The following CDKAL1 variants were observed in gnomAD, a reference collection of about 807,000 sequenced individuals.
CDKAL1 encodes the protein CDKAL1 threonylcarbamoyladenosine tRNA methylthiotransferase.
CDKAL1 carries 32 observed loss-of-function variants against 68.2 expected under a neutral mutation model. That is an observed-to-expected ratio of 0.47 (90% CI 0.35 to 0.63). The LOEUF (loss-of-function observed/expected upper bound fraction) is 0.63, where lower values mean the gene tolerates loss of function less well. CDKAL1 is among the 30% of genes least tolerant of loss of function. The pLI is 0.00. For synonymous variants in CDKAL1, 234 were observed against 244.3 expected (o/e 0.96, Z 0.39); for missense variants, 606 against 696.7 (o/e 0.87, Z 1.47).
intron 12 of CDKAL1, among the ~76,000 whole-genome samples, chr6:21,067,748 A>T (rs1307386705): frequency 6.6e-6 from 1 of 151,996 alleles, no homozygotes; most frequent in Non-Finnish European, 1.5e-5. Flanking sequence ...GAGTCATAGG[A>T]AATGAAATTG....
At chr6:20,704,829 G>A (rs558251013) in intron 5 of CDKAL1, among the ~76,000 whole-genome samples, 45 of 152,266 alleles carry the variant, frequency 3.0e-4, no homozygotes, top group Admixed American at 1.2e-3. Flanking sequence ...CCAGTGCCCC[G>A]AGGCCTGTGT....
At chr6:20,536,220 C>T (rs548701733) in intron 2 of CDKAL1, among the ~76,000 whole-genome samples, 1 of 152,108 alleles carries the variant, frequency 6.6e-6, no homozygotes, top group East Asian at 1.9e-4. Flanking sequence ...AGGCATGAGC[C>T]TCTGCACCTG....
chr6:20,802,546 A>G (rs1776412270), intron 8 of CDKAL1, among the ~76,000 whole-genome samples: 1 of 152,132 alleles, frequency 6.6e-6, no homozygotes, highest in Non-Finnish European at 1.5e-5. Flanking sequence ...ATATATACAT[A>G]CACATATACA....
At chr6:21,093,004 A>C (rs370784377) in intron 12 of CDKAL1, among the ~76,000 whole-genome samples, 71 of 152,306 alleles carry the variant, frequency 4.7e-4, no homozygotes, top group African/African-American at 1.7e-3. Context: ...GAAGGGTCCA[A>C]CATTCAAATA....
chr6:21,217,276 T>C (rs951839657), intron 15 of CDKAL1, among the ~76,000 whole-genome samples: 114 of 137,972 alleles, frequency 8.3e-4, no homozygotes, highest in African/African-American at 3.0e-3. Flanking sequence ...TTTTCATTGA[T>C]GTTTAGGATT....
intron 4 of CDKAL1, among the ~76,000 whole-genome samples, chr6:20,590,344 TG>T (rs1765540449): frequency 7.2e-5 from 11 of 152,198 alleles, no homozygotes. Context: ...TTTATTTTTT[TG>T]TTTTTATTTT....
chr6:20,825,249 C>G (rs114681390), intron 8 of CDKAL1, among the ~76,000 whole-genome samples: 1,702 of 152,078 alleles, frequency 0.011, 26 homozygotes, highest in African/African-American at 0.039. Context: ...CTTTTATATT[C>G]CCCATATATA....
chr6:20,903,188 C>G (rs557692605), intron 9 of CDKAL1, among the ~76,000 whole-genome samples: 5 of 152,292 alleles, frequency 3.3e-5, no homozygotes, highest in African/African-American at 9.6e-5. Flanking sequence ...CACTCCTGCT[C>G]TCTCTAACAC....
chr6:20,911,828 C>T (rs1762481917), intron 9 of CDKAL1, among the ~76,000 whole-genome samples: 1 of 152,208 alleles, frequency 6.6e-6, no homozygotes, highest in Admixed American at 6.5e-5. Flanking sequence ...ATTTCTATTC[C>T]AGCATTTTAA....
At chr6:20,858,487 C>T (rs1033951251) in intron 9 of CDKAL1, among the ~76,000 whole-genome samples, 1 of 152,056 alleles carries the variant, frequency 6.6e-6, no homozygotes, top group African/African-American at 2.4e-5. Context: ...AATAATTCTT[C>T]ATTTTTTATC....
chr6:20,857,667 A>C, intron 9 of CDKAL1, among the ~76,000 whole-genome samples: 1 of 152,234 alleles, frequency 6.6e-6, no homozygotes, highest in Non-Finnish European at 1.5e-5. Context: ...TACAAAGATC[A>C]CTTCTAGAAA....
chr6:20,827,352 G>A (rs1269253829), intron 8 of CDKAL1, among the ~76,000 whole-genome samples: 1 of 152,078 alleles, frequency 6.6e-6, no homozygotes, highest in Non-Finnish European at 1.5e-5. Flanking sequence ...ACAGTACCTG[G>A]CGCTGCCCTA....
chr6:20,707,680 A>G (rs1485668834), intron 5 of CDKAL1, among the ~76,000 whole-genome samples: 2 of 152,242 alleles, frequency 1.3e-5, no homozygotes, highest in Non-Finnish European at 2.9e-5. Flanking sequence ...GCCATCTTCC[A>G]TGATCAAGAA....
At chr6:21,215,602 G>A (rs1779312980) in intron 15 of CDKAL1, among the ~76,000 whole-genome samples, 1 of 152,184 alleles carries the variant, frequency 6.6e-6, no homozygotes, top group Non-Finnish European at 1.5e-5. Flanking sequence ...GTAGTGAGTT[G>A]TAGAGCTGGA....
chr6:20,634,123 G>A (rs555798218), intron 4 of CDKAL1, among the ~76,000 whole-genome samples: 2 of 152,210 alleles, frequency 1.3e-5, no homozygotes, highest in Admixed American at 6.5e-5. Flanking sequence ...ACAACTAAGG[G>A]TTGTGTATAA....
At chr6:20,574,201 CTT>C (rs1561935966) in intron 4 of CDKAL1, among the ~76,000 whole-genome samples, 1 of 152,114 alleles carries the variant, frequency 6.6e-6, no homozygotes, top group Non-Finnish European at 1.5e-5. Context: ...TAGTCAGAGA[CTT>C]TGCAAATGAT....
chr6:20,538,226 T>G (rs944113734), intron 2 of CDKAL1, among the ~76,000 whole-genome samples: 1 of 151,748 alleles, frequency 6.6e-6, no homozygotes, highest in Non-Finnish European at 1.5e-5. Context: ...GAGCATTCTT[T>G]CCTCTTTTTT....
intron 13 of CDKAL1, among the ~76,000 whole-genome samples, chr6:21,113,065 G>A (rs973079868): frequency 2.6e-5 from 4 of 152,102 alleles, no homozygotes; most frequent in African/African-American, 7.2e-5. Flanking sequence ...AAGCAAGGAC[G>A]GGCCATAAAA....
chr6:20,827,020 A>C (rs375360545), intron 8 of CDKAL1, among the ~76,000 whole-genome samples: 8 of 152,280 alleles, frequency 5.3e-5, no homozygotes, highest in African/African-American at 1.9e-4. Flanking sequence ...ATAGTTAAAA[A>C]CAAACAAAAC....
Sources: gnomAD v4.1 joint callset for allele counts (sites outside exome capture counted in the v4.1 genomes callset) on GRCh38, gnomAD v4.1.1 for gene constraint, MANE v1.5 for transcripts, NCBI Gene and HGNC (gene_info 2026-07-23, HGNC 2026-07-21) for gene names.